The following NNT variants were observed in gnomAD, a reference collection of about 807,000 sequenced individuals.
The protein encoded by NNT is NAD(P) transhydrogenase, mitochondrial.
Under a neutral mutation model 104.8 loss-of-function variants are expected in NNT, and 50 were observed. That is an observed-to-expected ratio of 0.48 (90% confidence interval 0.38 to 0.60). NNT has a LOEUF of 0.60. NNT is among the 20% of genes least tolerant of loss of function. The pLI is 0.00. For synonymous variants in NNT, 461 were observed against 490.4 expected (o/e 0.94, Z 0.79); for missense variants, 1,131 against 1,330.7 (o/e 0.85, Z 2.33).
chr5:43,617,927 G>C (rs1424458186), intron 4 of NNT, among the ~76,000 whole-genome samples: 2 of 152,122 alleles, frequency 1.3e-5, no homozygotes, highest in African/African-American at 2.4e-5. Flanking sequence ...ATCAATTATT[G>C]TATCAAGTAT....
intron 15 of NNT, among the ~76,000 whole-genome samples, chr5:43,656,413 A>G (rs1740049734): frequency 6.6e-6 from 1 of 152,152 alleles, no homozygotes; most frequent in African/African-American, 2.4e-5. Context: ...CTTCCCCTTT[A>G]TTGATACTTA....
At chr5:43,680,419 G>GAGT in intron 19 of NNT, among the ~76,000 whole-genome samples, 1 of 152,240 alleles carries the variant, frequency 6.6e-6, no homozygotes, top group Middle Eastern at 3.4e-3. Context: ...GGTGTTCATT[G>GAGT]AGTACAGCTG....
In NNT at chr5:43,624,224, G is replaced by T. The variant is rs550994527; in HGVS notation, c.776+104G>T. ...TAAATTGAAGTAGCACATTGCAACT[G>T]GTCTATAAGCTCTTTCCATTTAAAA... On this transcript the variant is annotated intron_variant, in intron 6 of 21. Coordinates refer to ENST00000344920, the MANE Select transcript of NNT (RefSeq NM_182977.3). 76 of 924,514 alleles carry T rather than the reference G, an allele frequency of 8.2e-5. No individual in the cohort carries two copies. In the African/African-American group the frequency reaches 1.0e-3, roughly 13 times the overall value. 57.3% of individuals were successfully genotyped at this position (924,514 alleles called of 1,614,324 possible). A position where few individuals can be genotyped will look rare whatever the true frequency, so the allele number is the denominator to read the frequency against.
chr5:43,665,871 G>C (rs1740628977), intron 17 of NNT, among the ~76,000 whole-genome samples: 1 of 150,830 alleles, frequency 6.6e-6, no homozygotes, highest in Non-Finnish European at 1.5e-5. Context: ...CCATCTCCTG[G>C]ACGGGGCGGC....
chr5:43,658,028 G>C (rs903854226), intron 16 of NNT, among the ~76,000 whole-genome samples: 1 of 151,996 alleles, frequency 6.6e-6, no homozygotes, highest in African/African-American at 2.4e-5. Context: ...CCAGCTGCTC[G>C]GGAGACTGAG....
intron 1 of NNT, among the ~76,000 whole-genome samples, chr5:43,605,189 C>T (rs962570686): frequency 1.3e-5 from 2 of 152,180 alleles, no homozygotes; most frequent in Non-Finnish European, 2.9e-5. Context: ...ATATAAGTTA[C>T]ATTAAACATA....
rs148926449 is a variant in NNT at position 43,621,560 on chromosome 5, G to A, written c.687+2441G>A. ...TAATTTTATTATTATTATTATTTTT[G>A]ACTTGGTTTTTTTTTTGGAGGCAGG... On this transcript the variant is annotated intron_variant, in intron 5 of 21. Coordinates refer to ENST00000344920, the MANE Select transcript of NNT (RefSeq NM_182977.3). Among the ~76,000 whole-genome samples, 591 of 151,508 alleles carry A rather than the reference G, an allele frequency of 3.9e-3. 4 individuals carry two copies. Among genetic ancestry groups the A allele is most frequent in the African/African-American group, 0.014 (571 of 41,456 alleles).
At chr5:43,690,389 C>G (rs186890240) in intron 19 of NNT, among the ~76,000 whole-genome samples, 14 of 152,100 alleles carry the variant, frequency 9.2e-5, no homozygotes, top group African/African-American at 3.4e-4. Flanking sequence ...TGTAGAACAA[C>G]GATTCTTAGT....
At chr5:43,618,988 C>T in intron 4 of NNT, 44 bp from the exon 5 acceptor site, 3 of 1,172,026 alleles carry the variant, frequency 2.6e-6, no homozygotes, top group East Asian at 2.8e-5. Flanking sequence ...TGAGATCTCT[C>T]CTTTTATGGA....
At chr5:43,657,342 C>A (rs1740113105) in intron 16 of NNT, among the ~76,000 whole-genome samples, 2 of 152,156 alleles carry the variant, frequency 1.3e-5, no homozygotes, top group Admixed American at 6.5e-5. Flanking sequence ...TCTTTCTCTG[C>A]AATTTTTATA....
At chr5:43,629,562 A>G (rs1353945357) in intron 7 of NNT, among the ~76,000 whole-genome samples, 1 of 152,220 alleles carries the variant, frequency 6.6e-6, no homozygotes, top group African/African-American at 2.4e-5. Flanking sequence ...GCTGCTTTCC[A>G]TAGTGGTTGT....
intron 7 of NNT, among the ~76,000 whole-genome samples, chr5:43,640,708 G>A (rs1209135852): frequency 6.6e-6 from 1 of 150,916 alleles, no homozygotes; most frequent in Non-Finnish European, 1.5e-5. Flanking sequence ...ATTTGTATTT[G>A]TTTTTCACTT....
At chr5:43,702,170 A>G (rs1174361233) in intron 20 of NNT, among the ~76,000 whole-genome samples, 1 of 152,198 alleles carries the variant, frequency 6.6e-6, no homozygotes, top group Non-Finnish European at 1.5e-5. Flanking sequence ...GGACTTAGTC[A>G]TAAATTTTTC....
At chr5:43,676,216 C>G (rs1020063339) in intron 18 of NNT, among the ~76,000 whole-genome samples, 1 of 152,140 alleles carries the variant, frequency 6.6e-6, no homozygotes, top group Admixed American at 6.5e-5. Flanking sequence ...GTCATTTAAT[C>G]TCTCCAGGCC....
intron 2 of NNT, among the ~76,000 whole-genome samples, chr5:43,610,192 ACTGT>A (rs1368095187): frequency 2.2e-5 from 3 of 138,166 alleles, no homozygotes; most frequent in Admixed American, 7.5e-5. Context: ...AACCAAGTCA[ACTGT>A]CTGTCTTTTT....
intron 7 of NNT, among the ~76,000 whole-genome samples, chr5:43,634,850 G>A (rs1750852659): frequency 6.6e-6 from 1 of 152,174 alleles, no homozygotes; most frequent in Non-Finnish European, 1.5e-5. Context: ...CACACTTTGT[G>A]AGTGACTGGG....
chr5:43,663,376 G>A (rs1389051043), intron 17 of NNT, among the ~76,000 whole-genome samples: 4 of 152,112 alleles, frequency 2.6e-5, no homozygotes, highest in Non-Finnish European at 4.4e-5. Flanking sequence ...TACTTGTGAT[G>A]TGCAATGTGT....
chr5:43,677,597 C>A, intron 18 of NNT, 128 bp from the exon 19 acceptor site: 1 of 768,200 alleles, frequency 1.3e-6, no homozygotes, highest in Non-Finnish European at 2.1e-6. Context: ...AATTTGCTTT[C>A]ATTTCTAGTC....
intron 19 of NNT, among the ~76,000 whole-genome samples, chr5:43,678,938 A>C (rs1015980148): frequency 6.6e-6 from 1 of 152,182 alleles, no homozygotes; most frequent in African/African-American, 2.4e-5. Context: ...TCCTTCCTCC[A>C]ATCTATAGTC....
Sources: allele counts gnomAD v4.1 joint callset (sites outside exome capture counted in the v4.1 genomes callset), GRCh38; gene constraint gnomAD v4.1.1; transcripts MANE v1.5; gene names NCBI Gene and HGNC (gene_info 2026-07-23, HGNC 2026-07-21).